The following KCTD16 variants were observed in gnomAD, a reference collection of about 807,000 sequenced individuals.
The protein encoded by KCTD16 is potassium channel tetramerization domain containing 16.
A neutral mutation model predicts 33.2 loss-of-function variants in KCTD16; 13 were observed. That is an observed-to-expected ratio of 0.39 (90% CI 0.25 to 0.62). KCTD16 has a LOEUF of 0.62. KCTD16 is among the 20% of genes least tolerant of loss of function. The pLI, the probability that KCTD16 is intolerant of heterozygous loss-of-function variation, is 0.50. For missense variants in KCTD16, 441 were observed against 525.1 expected (o/e 0.84, Z 1.57); for synonymous variants, 197 against 195.3 (o/e 1.01, Z -0.07).
intron 3 of KCTD16, among the ~76,000 whole-genome samples, chr5:144,436,563 GAAAATATTGGGGA>G (rs1753583162): frequency 6.6e-6 from 1 of 151,654 alleles, no homozygotes; most frequent in African/African-American, 2.4e-5. Context: ...CTACTTCCTA[GAAAATATTGGGGA>G]AAGTGTTTAA....
intron 2 of KCTD16, among the ~76,000 whole-genome samples, chr5:144,197,792 A>G (rs1179012042): frequency 6.6e-6 from 1 of 152,192 alleles, no homozygotes; most frequent in Non-Finnish European, 1.5e-5. Context: ...CAATGCTAAC[A>G]TTTCAGGATT....
rs181273412 is a variant in KCTD16 at position 144,474,436 on chromosome 5, C to T, written c.*322C>T. On this transcript the variant is annotated 3_prime_UTR_variant, in exon 4 of 4. Coordinates refer to ENST00000512467, the MANE Select transcript of KCTD16 (RefSeq NM_020768.4). ...CTGAGAGGCCTTGGGAGTCATTTAT[C>T]CCAAACTGGGTTTTTTCTCTCATCC... 1.2e-3 allele frequency: 253 copies of T among 212,682 alleles called. 1 individual carries two copies. Among genetic ancestry groups the T allele is most frequent in the African/African-American group, 5.1e-3 (217 of 42,700 alleles). 13.2% of individuals were successfully genotyped at this position (212,682 alleles called of 1,614,324 possible).
At chr5:144,391,038 T>TC (rs1228389142) in intron 3 of KCTD16, among the ~76,000 whole-genome samples, 1 of 152,020 alleles carries the variant, frequency 6.6e-6, no homozygotes, top group African/African-American at 2.4e-5. Flanking sequence ...GCTGCTCATT[T>TC]CCCCCTCCAT....
At chr5:144,205,780 A>G (rs940928574) in intron 2 of KCTD16, 27 of 390,434 alleles carry the variant, frequency 6.9e-5, no homozygotes, top group Non-Finnish European at 1.1e-4. Flanking sequence ...TTTTTTTGCG[A>G]CTTGTTTTAA....
intron 3 of KCTD16, among the ~76,000 whole-genome samples, chr5:144,215,519 G>T (rs536124099): frequency 1.3e-5 from 2 of 152,298 alleles, no homozygotes; most frequent in African/African-American, 4.8e-5. Flanking sequence ...GGATTTTGGT[G>T]CCCAGGCAGC....
intron 3 of KCTD16, among the ~76,000 whole-genome samples, chr5:144,281,106 T>C (rs564637358): frequency 1.5e-4 from 22 of 151,202 alleles, no homozygotes; most frequent in Admixed American, 3.3e-4. Flanking sequence ...GGCGTGAACC[T>C]GGCAGGCGGA....
intron 3 of KCTD16, among the ~76,000 whole-genome samples, chr5:144,335,932 C>A (rs192388029): frequency 2.6e-5 from 4 of 152,278 alleles, no homozygotes; most frequent in African/African-American, 9.6e-5. Flanking sequence ...GAAATTCCCT[C>A]ATTAAGTAAA....
intron 3 of KCTD16, among the ~76,000 whole-genome samples, chr5:144,351,959 T>C (rs1751447648): frequency 1.3e-5 from 2 of 152,328 alleles, no homozygotes; most frequent in South Asian, 2.1e-4. Context: ...AGAGATGCAC[T>C]GTACATCAGG....
intron 3 of KCTD16, among the ~76,000 whole-genome samples, chr5:144,462,136 A>T (rs1336969067): frequency 6.6e-6 from 1 of 151,870 alleles, no homozygotes; most frequent in South Asian, 2.1e-4. Flanking sequence ...TTCCATTGCT[A>T]ACTCCTTCTT....
chr5:144,390,226 A>G (rs1048090164), intron 3 of KCTD16, among the ~76,000 whole-genome samples: 1 of 152,190 alleles, frequency 6.6e-6, no homozygotes, highest in Non-Finnish European at 1.5e-5. Flanking sequence ...AGCCAGGTAG[A>G]TTTCCTTGTT....
At chr5:144,183,083 C>A in intron 2 of KCTD16, among the ~76,000 whole-genome samples, 1 of 151,208 alleles carries the variant, frequency 6.6e-6, no homozygotes, top group African/African-American at 2.4e-5. Flanking sequence ...AAGACCAAAG[C>A]AAAATAAACG....
At chr5:144,245,487 A>C (rs966452073) in intron 3 of KCTD16, among the ~76,000 whole-genome samples, 1 of 152,166 alleles carries the variant, frequency 6.6e-6, no homozygotes, top group African/African-American at 2.4e-5. Flanking sequence ...GAGGAAGAAG[A>C]ATGACATGTC....
intron 3 of KCTD16, among the ~76,000 whole-genome samples, chr5:144,376,067 G>T (rs1268660069): frequency 6.6e-6 from 1 of 151,924 alleles, no homozygotes; most frequent in Non-Finnish European, 1.5e-5. Flanking sequence ...TCAAGTGATT[G>T]GTCCGCCTCG....
intron 3 of KCTD16, among the ~76,000 whole-genome samples, chr5:144,374,168 G>A (rs946617559): frequency 2.0e-5 from 3 of 152,162 alleles, no homozygotes; most frequent in South Asian, 2.1e-4. Context: ...GAATTTGGAC[G>A]TCTTTGTGGG....
intron 3 of KCTD16, among the ~76,000 whole-genome samples, chr5:144,312,233 G>A (rs771058346): frequency 4.6e-5 from 7 of 152,176 alleles, no homozygotes; most frequent in East Asian, 1.9e-4. Context: ...CTGTTTATAC[G>A]TGTTACTCTG....
intron 3 of KCTD16, among the ~76,000 whole-genome samples, chr5:144,236,275 G>A (rs551200750): frequency 4.1e-4 from 62 of 152,242 alleles, no homozygotes; most frequent in South Asian, 3.5e-3. Context: ...ATTAGGAAAA[G>A]CTCTGAAGAA....
chr5:144,212,448 GT>G (rs1218285011), intron 3 of KCTD16, among the ~76,000 whole-genome samples: 1 of 152,136 alleles, frequency 6.6e-6, no homozygotes, highest in African/African-American at 2.4e-5. Context: ...GGTCTCTGAA[GT>G]TGCCCCCAAG....
At chr5:144,218,733 C>G (rs1753639690) in intron 3 of KCTD16, among the ~76,000 whole-genome samples, 1 of 152,134 alleles carries the variant, frequency 6.6e-6, no homozygotes, top group Non-Finnish European at 1.5e-5. Context: ...TTAACTTTAA[C>G]TAAACATTGC....
At chr5:144,340,383 C>T (rs571831900) in intron 3 of KCTD16, among the ~76,000 whole-genome samples, 22 of 124,574 alleles carry the variant, frequency 1.8e-4, no homozygotes, top group African/African-American at 7.0e-4. Context: ...GCCTGGGTGA[C>T]AGAGCGAGAC....
Sources: gnomAD v4.1 joint callset for allele counts (sites outside exome capture counted in the v4.1 genomes callset) on GRCh38, gnomAD v4.1.1 for gene constraint, MANE v1.5 for transcripts, NCBI Gene and HGNC (gene_info 2026-07-23, HGNC 2026-07-21) for gene names.